KCNH7: variants seen among roughly 807,000 people sequenced by gnomAD.
The protein encoded by KCNH7 is potassium voltage-gated channel subfamily H member 7, also known as voltage-gated inwardly rectifying potassium channel KCNH7.
A neutral mutation model predicts 120.8 loss-of-function variants in KCNH7; 49 were observed. The ratio of observed to expected loss-of-function variants is 0.41; its 90% CI spans 0.32 to 0.51. The LOEUF is 0.51. Ranked by LOEUF, KCNH7 falls within the 20% of genes least tolerant of loss-of-function variation. The pLI is 0.38. For missense variants in KCNH7, 1,097 were observed against 1,446.6 expected (o/e 0.76, Z 3.92); for synonymous variants, 547 against 516.1 (o/e 1.06, Z -0.81).
At chr2:162,705,828 C>A (rs1686679215) in intron 2 of KCNH7, among the ~76,000 whole-genome samples, 1 of 151,934 alleles carries the variant, frequency 6.6e-6, no homozygotes, top group Non-Finnish European at 1.5e-5. Context: ...GTTTTGGGAA[C>A]CAATTTGGAA....
At chr2:162,696,277 C>CA (rs1280732290) in intron 2 of KCNH7, among the ~76,000 whole-genome samples, 1 of 151,988 alleles carries the variant, frequency 6.6e-6, no homozygotes, top group African/African-American at 2.4e-5. Context: ...ATTTACTATG[C>CA]AAAAATATTT....
intron 2 of KCNH7, among the ~76,000 whole-genome samples, chr2:162,561,644 G>A (rs1416134293): frequency 1.3e-5 from 2 of 152,138 alleles, no homozygotes; most frequent in African/African-American, 4.8e-5. Context: ...AATGACCAGT[G>A]ATGATGAGCT....
chr2:162,709,365 ATTT>A (rs976937678), intron 2 of KCNH7, among the ~76,000 whole-genome samples: 1 of 152,058 alleles, frequency 6.6e-6, no homozygotes, highest in African/African-American at 2.4e-5. Flanking sequence ...CTCATTCCTT[ATTT>A]TTGATGATTG....
intron 2 of KCNH7, among the ~76,000 whole-genome samples, chr2:162,614,674 A>G (rs1574171685): frequency 6.7e-6 from 1 of 148,926 alleles, no homozygotes; most frequent in East Asian, 1.9e-4. Context: ...TTTCCTGAGG[A>G]ATGTATATAT....
At chr2:162,424,493 T>C (rs986563352) in intron 8 of KCNH7, among the ~76,000 whole-genome samples, 7 of 152,346 alleles carry the variant, frequency 4.6e-5, no homozygotes, top group African/African-American at 1.2e-4. Context: ...CTGAGAGATA[T>C]GGTAACATAT....
chr2:162,470,842 T>C (rs1689499014), intron 6 of KCNH7, among the ~76,000 whole-genome samples: 1 of 152,176 alleles, frequency 6.6e-6, no homozygotes, highest in Non-Finnish European at 1.5e-5. Flanking sequence ...AATTGGGTGG[T>C]TGCTGTGTCT....
intron 5 of KCNH7, among the ~76,000 whole-genome samples, chr2:162,509,612 C>T (rs1050748844): frequency 1.3e-5 from 2 of 151,554 alleles, no homozygotes; most frequent in African/African-American, 4.8e-5. Flanking sequence ...TATTTTTCTT[C>T]ATATTATCTG....
intron 2 of KCNH7, among the ~76,000 whole-genome samples, chr2:162,620,721 C>T (rs1683323227): frequency 6.6e-6 from 1 of 152,224 alleles, no homozygotes; most frequent in South Asian, 2.1e-4. Flanking sequence ...CACCAAATAA[C>T]AGTCAGTTCA....
At position 162,427,451 on chromosome 2, in the gene KCNH7, C is replaced by T. The variant is rs149176597; in HGVS notation, c.1955-3916G>A. Among the ~76,000 whole-genome samples, 692 of 152,024 alleles carry T rather than the reference C, an allele frequency of 4.6e-3. 2 individuals are homozygous for T. Among genetic ancestry groups the T allele is most frequent in the Non-Finnish European group, 6.8e-3 (460 of 67,872 alleles). The stretch of plus-strand genomic sequence containing the variant: ...CATTAGAGTTTTAATGTGCATTTTC[C>T]TGATGATTAATGACATCTTTTCATG... On this transcript the variant is annotated intron_variant, in intron 8 of 15. Coordinates refer to ENST00000332142, the MANE Select transcript of KCNH7 (RefSeq NM_033272.4).
intron 2 of KCNH7, among the ~76,000 whole-genome samples, chr2:162,700,485 G>C (rs963672476): frequency 1.3e-5 from 2 of 152,044 alleles, no homozygotes; most frequent in Non-Finnish European, 2.9e-5. Context: ...TTTTTGGTAC[G>C]TATGGGAAAG....
chr2:162,689,563 A>G (rs533661485), intron 2 of KCNH7, among the ~76,000 whole-genome samples: 1 of 152,250 alleles, frequency 6.6e-6, no homozygotes, highest in Non-Finnish European at 1.5e-5. Flanking sequence ...CTCAATAACT[A>G]CAATATGCAA....
At chr2:162,781,047 G>C (rs1026842612) in intron 2 of KCNH7, among the ~76,000 whole-genome samples, 2 of 151,914 alleles carry the variant, frequency 1.3e-5, no homozygotes, top group East Asian at 3.9e-4. Flanking sequence ...GAATTTTATA[G>C]CTGAAATGGA....
At chr2:162,745,518 A>G (rs2105419091) in intron 2 of KCNH7, among the ~76,000 whole-genome samples, 1 of 152,296 alleles carries the variant, frequency 6.6e-6, no homozygotes, top group East Asian at 1.9e-4. Flanking sequence ...AAATCATACC[A>G]GATAATTTCA....
intron 9 of KCNH7, among the ~76,000 whole-genome samples, chr2:162,419,513 C>A (rs1035664790): frequency 2.6e-5 from 4 of 151,928 alleles, no homozygotes; most frequent in Non-Finnish European, 4.4e-5. Flanking sequence ...AGTGACTTGT[C>A]CAAGAGTAGT....
chr2:162,618,334 T>C (rs1339026004), intron 2 of KCNH7, among the ~76,000 whole-genome samples: 1 of 151,946 alleles, frequency 6.6e-6, no homozygotes, highest in Non-Finnish European at 1.5e-5. Context: ...AAAGATAAAA[T>C]CAAATTATTC....
At chr2:162,619,236 G>A (rs1250260304) in intron 2 of KCNH7, among the ~76,000 whole-genome samples, 1 of 152,012 alleles carries the variant, frequency 6.6e-6, no homozygotes. Context: ...TTCACTTTAA[G>A]ATGTGTCCCC....
intron 2 of KCNH7, among the ~76,000 whole-genome samples, chr2:162,823,839 G>A (rs1685196306): frequency 6.6e-6 from 1 of 151,542 alleles, no homozygotes; most frequent in South Asian, 2.1e-4. Flanking sequence ...TTTAAATGCT[G>A]ACAGTCTAAC....
intron 4 of KCNH7, among the ~76,000 whole-genome samples, chr2:162,513,455 C>CCT (rs1691178883): frequency 1.2e-5 from 1 of 82,022 alleles, no homozygotes; most frequent in Non-Finnish European, 2.4e-5. Context: ...CCTTCCTTCT[C>CCT]TCCTTCCCTC....
chr2:162,542,878 T>G (rs978732789), intron 2 of KCNH7, among the ~76,000 whole-genome samples: 6 of 152,052 alleles, frequency 3.9e-5, no homozygotes, highest in East Asian at 1.9e-4. Context: ...CAGTGTAAAA[T>G]TGTTCCTATT....
Sources: allele counts gnomAD v4.1 joint callset (sites outside exome capture counted in the v4.1 genomes callset), GRCh38; gene constraint gnomAD v4.1.1; transcripts MANE v1.5; gene names NCBI Gene and HGNC (gene_info 2026-07-23, HGNC 2026-07-21).